Variants in RAI14 observed in about 807,000 individuals in gnomAD.
RAI14 encodes ankycorbin.
Under a neutral mutation model 115.4 loss-of-function variants are expected in RAI14, and 45 were observed. That is an observed-to-expected ratio of 0.39 (90% CI 0.31 to 0.50). The LOEUF (loss-of-function observed/expected upper bound fraction) is 0.50. Among genes scored for constraint, RAI14 ranks in the 20% least tolerant of loss-of-function variants. The pLI, the probability that RAI14 is intolerant of heterozygous loss-of-function variation, is 0.85. For missense variants in RAI14, 939 were observed against 1,131.2 expected (o/e 0.83, Z 2.44); for synonymous variants, 371 against 415.4 (o/e 0.89, Z 1.30).
intron 2 of RAI14, among the ~76,000 whole-genome samples, chr5:34,698,022 C>T (rs911844075): frequency 5.9e-5 from 9 of 151,322 alleles, no homozygotes; most frequent in South Asian, 2.1e-4. Context: ...ATTCTTTTCT[C>T]CCAGTGTTGC....
At chr5:34,675,361 T>C (rs1306586038) in intron 1 of RAI14, among the ~76,000 whole-genome samples, 1 of 152,262 alleles carries the variant, frequency 6.6e-6, no homozygotes, top group Non-Finnish European at 1.5e-5. Context: ...AGATCCTTTA[T>C]GGCATTTGCA....
At chr5:34,753,590 G>T (rs1164775871) in intron 2 of RAI14, among the ~76,000 whole-genome samples, 1 of 151,898 alleles carries the variant, frequency 6.6e-6, no homozygotes, top group Non-Finnish European at 1.5e-5. Flanking sequence ...GACCAGCCTG[G>T]CCAATGTGGT....
At chr5:34,743,179 G>T (rs1282500855) in intron 2 of RAI14, among the ~76,000 whole-genome samples, 2 of 152,192 alleles carry the variant, frequency 1.3e-5, no homozygotes, top group African/African-American at 4.8e-5. Flanking sequence ...CACCAGCTGT[G>T]GCTTAAACAA....
chr5:34,818,182 G>C (rs1012369611), intron 12 of RAI14, among the ~76,000 whole-genome samples: 2 of 152,142 alleles, frequency 1.3e-5, no homozygotes, highest in Non-Finnish European at 2.9e-5. Flanking sequence ...GTTTTGAAAT[G>C]AGATTGTGGC....
chr5:34,665,560 T>C (rs1743143526), intron 1 of RAI14, among the ~76,000 whole-genome samples: 1 of 151,742 alleles, frequency 6.6e-6, no homozygotes, highest in Non-Finnish European at 1.5e-5. Flanking sequence ...GCAGTGATTC[T>C]TAAATATTCG....
intron 1 of RAI14, among the ~76,000 whole-genome samples, chr5:34,669,211 G>A (rs184548826): frequency 1.3e-5 from 2 of 152,290 alleles, no homozygotes; most frequent in East Asian, 3.9e-4. Flanking sequence ...TGTGCTATTT[G>A]TTTCCTTTTG....
At chr5:34,711,928 T>G (rs1741449337) in intron 2 of RAI14, among the ~76,000 whole-genome samples, 1 of 152,202 alleles carries the variant, frequency 6.6e-6, no homozygotes, top group Non-Finnish European at 1.5e-5. Flanking sequence ...TTTCCTTTTA[T>G]TCTATTTTTT....
At chr5:34,706,226 C>T (rs1476780773) in intron 2 of RAI14, among the ~76,000 whole-genome samples, 1 of 152,168 alleles carries the variant, frequency 6.6e-6, no homozygotes, top group Non-Finnish European at 1.5e-5. Flanking sequence ...CGTAATGCCT[C>T]CTAATATACT....
At chr5:34,804,987 C>T (rs767180476) in intron 5 of RAI14, among the ~76,000 whole-genome samples, 12 of 152,130 alleles carry the variant, frequency 7.9e-5, no homozygotes, top group East Asian at 1.9e-4. Flanking sequence ...TGGATGTTCT[C>T]GTGGGCAAGA....
chr5:34,705,562 A>G (rs536868220), intron 2 of RAI14, among the ~76,000 whole-genome samples: 1 of 152,196 alleles, frequency 6.6e-6, no homozygotes, highest in South Asian at 2.1e-4. Context: ...CTTAATTAAC[A>G]TAAACAGATG....
chr5:34,774,768 A>AC (rs200030930), intron 3 of RAI14, among the ~76,000 whole-genome samples: 51 of 149,492 alleles, frequency 3.4e-4, no homozygotes, highest in Middle Eastern at 3.5e-3. Context: ...AAAAAAAAAA[A>AC]CCTAAAGTTC....
chr5:34,734,814 C>T lies in RAI14; in HGVS notation c.37-22654C>T, dbSNP rs141666441. ...TAGCTGGGATTACAGGCACATACCACCACGCCAAGCTAATTTTTGTATTTT... is the reference window on the plus strand; with the variant it reads ...TAGCTGGGATTACAGGCACATACCATCACGCCAAGCTAATTTTTGTATTTT... On this transcript the variant is annotated intron_variant, in intron 2 of 17. Transcript: ENST00000265109. 6.3e-3 allele frequency among the ~76,000 whole-genome samples: 957 copies of T among 152,208 alleles called. 9 individuals are homozygous for T. Among genetic ancestry groups the T allele is most frequent in the African/African-American group, 0.021 (852 of 41,512 alleles).
chr5:34,743,409 C>T (rs1330021098), intron 2 of RAI14, among the ~76,000 whole-genome samples: 1 of 152,190 alleles, frequency 6.6e-6, no homozygotes, highest in Non-Finnish European at 1.5e-5. Flanking sequence ...TCCTCTGTTC[C>T]ATTTCTAAGG....
chr5:34,818,681 C>G (rs1756517088), intron 12 of RAI14, 116 bp from the exon 13 acceptor site: 2 of 651,372 alleles, frequency 3.1e-6, no homozygotes, highest in Admixed American at 3.2e-5. Context: ...AGCTGCTTTT[C>G]TAGTAGGATC....
chr5:34,822,868 T>C (rs1016995538), intron 14 of RAI14, 88 bp from the exon 15 acceptor site: 1 of 1,175,992 alleles, frequency 8.5e-7, no homozygotes, highest in South Asian at 1.6e-5. Context: ...TATTTTTTTT[T>C]AGTAGAGACG....
At chr5:34,809,846 T>C (rs1053320441) in intron 7 of RAI14, among the ~76,000 whole-genome samples, 3 of 152,182 alleles carry the variant, frequency 2.0e-5, no homozygotes, top group African/African-American at 7.2e-5. Context: ...TCTCCCAACT[T>C]TGAAGACCAT....
intron 3 of RAI14, among the ~76,000 whole-genome samples, chr5:34,783,589 T>C (rs1201663230): frequency 6.6e-6 from 1 of 152,208 alleles, no homozygotes; most frequent in Non-Finnish European, 1.5e-5. Flanking sequence ...GTTCAGCTGC[T>C]GACAGCATCT....
At chr5:34,762,965 GTGTGTGTGTGTA>G (rs1473294916) in intron 3 of RAI14, among the ~76,000 whole-genome samples, 2,312 of 141,578 alleles carry the variant, frequency 0.016, 50 homozygotes, top group African/African-American at 0.068. Context: ...GTGTGTGTGT[GTGTGTGTGTGTA>G]TGTGTCTGTA....
chr5:34,662,797 C>T (rs758878549), intron 1 of RAI14, among the ~76,000 whole-genome samples: 8 of 131,560 alleles, frequency 6.1e-5, no homozygotes, highest in East Asian at 2.3e-4. Context: ...AGGGTGATCT[C>T]GGCTCACTGC....
Sources: allele counts gnomAD v4.1 joint callset (sites outside exome capture counted in the v4.1 genomes callset), GRCh38; gene constraint gnomAD v4.1.1; transcripts MANE v1.5; gene names NCBI Gene and HGNC (gene_info 2026-07-23, HGNC 2026-07-21).